TOM1L2: variants seen among roughly 807,000 people sequenced by gnomAD.
The protein encoded by TOM1L2 is TOM1-like protein 2.
TOM1L2 carries 31 observed loss-of-function variants against 67.9 expected under a neutral mutation model. The observed-to-expected ratio is 0.46, with a 90% CI of 0.34 to 0.62. The LOEUF is 0.62. Ranked by LOEUF, TOM1L2 falls within the 20% of genes least tolerant of loss-of-function variation. The probability of loss-of-function intolerance (pLI) is 0.01; values close to 1 mark genes in which losing one functional copy is unlikely to be tolerated. For missense variants in TOM1L2, 606 were observed against 663.5 expected (o/e 0.91, Z 0.95); for synonymous variants, 256 against 254.0 (o/e 1.01, Z -0.07).
chr17:17,848,718 G>T, intron 14 of TOM1L2, 105 bp downstream of exon 14: 1 of 1,297,160 alleles, frequency 7.7e-7, no homozygotes, highest in Non-Finnish European at 1.1e-6. Flanking sequence ...CCTGGCACCA[G>T]TAGGTGCTCT....
intron 3 of TOM1L2, among the ~76,000 whole-genome samples, 182 bp from the exon 4 acceptor site, chr17:17,893,992 G>C (rs1368645889): frequency 6.6e-6 from 1 of 152,164 alleles, no homozygotes; most frequent in Admixed American, 6.6e-5. Flanking sequence ...ATTCTCCAGG[G>C]ATGACAGCAG....
In TOM1L2 at chr17:17,869,436, A is replaced by G; in HGVS notation, c.815T>C (p.Ile272Thr). The G allele has an allele frequency of 1.2e-6, 2 of 1,613,102 alleles. No individual in the cohort carries two copies. Among genetic ancestry groups the G allele is most frequent in the Non-Finnish European group, 1.7e-6 (2 of 1,179,826 alleles). Residue 272 changes from isoleucine to threonine, a missense_variant, in exon 8 of 15, where the codon ATC becomes ACC. Physicochemically the swap from Ile to Thr is moderately conservative, Grantham distance 89. This residue lies in a region of TOM1L2 where 543 missense variants were observed against 554.0 expected (regional missense o/e 0.98). Transcript: ENST00000379504. ...GGACACGCGGGAGATGAGCTCCACG[A>G]TGCGCTGCTGCATGGCCCGACAGGT... is the stretch of plus-strand genomic sequence containing the variant. ...NRTCRAMQQR[I>T]VELISRVSNE...
At chr17:17,879,271 AAGTC>A (rs2037589646) in intron 7 of TOM1L2, among the ~76,000 whole-genome samples, 1 of 152,318 alleles carries the variant, frequency 6.6e-6, no homozygotes, top group East Asian at 1.9e-4. Flanking sequence ...ACCTACAAAA[AAGTC>A]AGAAAGAAAA....
chr17:17,946,043 T>G (rs941911698), intron 1 of TOM1L2, among the ~76,000 whole-genome samples: 3 of 151,854 alleles, frequency 2.0e-5, no homozygotes, highest in African/African-American at 7.3e-5. Flanking sequence ...TGGCTAAATT[T>G]TTCATATTTT....
chr17:17,847,623 C>A lies in TOM1L2; in HGVS notation c.*12G>T. On this transcript the variant is annotated 3_prime_UTR_variant, in exon 15 of 15. Coordinates refer to ENST00000379504, the MANE Select transcript of TOM1L2 (RefSeq NM_001082968.2). Reference sequence around the variant, plus strand: ...GGGACCCGCCATCTGGGGAGGCAAACCACAGAGCTGCTCACAGGGCGAAGA... The same window carrying A: ...GGGACCCGCCATCTGGGGAGGCAAAACACAGAGCTGCTCACAGGGCGAAGA... 1 of 1,598,504 alleles carries A rather than the reference C, an allele frequency of 6.3e-7. No individual in the cohort carries two copies. Among genetic ancestry groups the A allele is most frequent in the Non-Finnish European group, 8.5e-7 (1 of 1,171,994 alleles).
intron 12 of TOM1L2, chr17:17,857,801 G>T (rs1305053249): frequency 6.5e-7 from 1 of 1,535,642 alleles, no homozygotes; most frequent in Admixed American, 2.0e-5. Context: ...CTGTCTATGG[G>T]CTCCAGGTCA....
At position 17,882,810 on chromosome 17, in the gene TOM1L2, C is replaced by A; in HGVS notation, c.555G>T (p.Gln185His). 6.2e-7 allele frequency: 1 copy of A among 1,614,228 alleles called. No homozygotes were observed. The highest frequency in any genetic ancestry group is 8.5e-7 in the Non-Finnish European group (1 of 1,180,032). ...AGGAATAGGAACCAGCACTTGTCCT[C>A]TGCTGTGATTGGGACCTGGGCATGG... ...AATMPRSQSQ[Q>H]RTSAGSYSSP... The change falls in exon 6 of 15, where the codon CAG becomes CAT. Residue 185 changes from glutamine to histidine, a missense_variant. Physicochemically the swap from Gln to His is conservative, Grantham distance 24. Coordinates refer to ENST00000379504, the MANE Select transcript of TOM1L2 (RefSeq NM_001082968.2).
At chr17:17,947,014 C>A (rs561415674) in intron 1 of TOM1L2, among the ~76,000 whole-genome samples, 2 of 152,158 alleles carry the variant, frequency 1.3e-5, no homozygotes, top group Admixed American at 6.5e-5. Context: ...CGTACGCCAC[C>A]GTGCCAGCCT....
At chr17:17,920,335 A>ATTTTT (rs771122365) in intron 1 of TOM1L2, among the ~76,000 whole-genome samples, 49 of 93,180 alleles carry the variant, frequency 5.3e-4, no homozygotes, top group South Asian at 1.3e-3. Flanking sequence ...AATGTTCAAT[A>ATTTTT]TTTTTTTTTT....
chr17:17,938,691 T>C (rs2040604418), intron 1 of TOM1L2, among the ~76,000 whole-genome samples: 1 of 151,970 alleles, frequency 6.6e-6, no homozygotes, highest in South Asian at 2.1e-4. Context: ...ACCTAACCTT[T>C]ACTGACTTAT....
rs959244551 is a variant in TOM1L2 at position 17,845,810 on chromosome 17, G to A, written c.*1825C>T. 3.3e-5 allele frequency: 5 copies of A among 152,468 alleles called. No individual in the cohort carries two copies. Among genetic ancestry groups the A allele is most frequent in the Non-Finnish European group, 7.3e-5 (5 of 68,218 alleles). The allele number at this position is 152,468 out of a possible 1,614,324, so 9.4% of individuals were successfully genotyped here. A position where few individuals can be genotyped will look rare whatever the true frequency, so the allele number is the denominator to read the frequency against. ...GTCTTTGAGAAACATTGAGGAGGCA[G>A]GGGCTCATCAAGCATCAGGGAGCAG... On this transcript the variant is annotated 3_prime_UTR_variant, in exon 15 of 15. Coordinates refer to ENST00000379504, the MANE Select transcript of TOM1L2 (RefSeq NM_001082968.2).
At chr17:17,889,103 T>C (rs546472285) in intron 4 of TOM1L2, among the ~76,000 whole-genome samples, 1 of 152,282 alleles carries the variant, frequency 6.6e-6, no homozygotes, top group Non-Finnish European at 1.5e-5. Flanking sequence ...GACTGAGCCC[T>C]CGCACATGTT....
intron 10 of TOM1L2, 100 bp from the exon 11 acceptor site, chr17:17,862,948 G>GT: frequency 4.0e-5 from 13 of 321,844 alleles, no homozygotes; most frequent in South Asian, 5.2e-5. Context: ...GTGGGTTTAG[G>GT]TTCCATGGGG....
intron 1 of TOM1L2, among the ~76,000 whole-genome samples, chr17:17,951,572 AT>A (rs1239287910): frequency 6.6e-6 from 1 of 152,222 alleles, no homozygotes; most frequent in Non-Finnish European, 1.5e-5. Flanking sequence ...TAAAAACCAT[AT>A]GAAAATTAAC....
chr17:17,865,896 C>T (rs1448861758), intron 10 of TOM1L2, among the ~76,000 whole-genome samples: 1 of 151,332 alleles, frequency 6.6e-6, no homozygotes, highest in East Asian at 2.0e-4. Flanking sequence ...AGGTGCCCAC[C>T]ATGCGCAGCT....
intron 8 of TOM1L2, among the ~76,000 whole-genome samples, chr17:17,867,455 G>C (rs1001778188): frequency 6.6e-6 from 1 of 152,134 alleles, no homozygotes; most frequent in Non-Finnish European, 1.5e-5. Flanking sequence ...GCCAGTCATC[G>C]AAGGACTGCT....
Position 17,847,415 on chromosome 17 carries a change from GGA to G in TOM1L2, c.*218_*219del, listed in dbSNP as rs751272575. On this transcript the variant is annotated 3_prime_UTR_variant, in exon 15 of 15. Coordinates refer to ENST00000379504, the MANE Select transcript of TOM1L2 (RefSeq NM_001082968.2). ...GGGCAGAGGGGCCCATGGTGGGAGG[GGA>G]GAGAGTCTCTGGCTGCAGTTGTCCC... The G allele has an allele frequency of 4.1e-5, 25 of 608,960 alleles. No individual in the cohort carries two copies. The highest frequency in any genetic ancestry group is 2.4e-4 in the African/African-American group (13 of 53,628). 37.7% of individuals were successfully genotyped at this position (608,960 alleles called of 1,614,324 possible). A position where few individuals can be genotyped will look rare whatever the true frequency, so the allele number is the denominator to read the frequency against.
chr17:17,932,438 TA>T (rs1466927647), intron 1 of TOM1L2, among the ~76,000 whole-genome samples: 2 of 152,176 alleles, frequency 1.3e-5, no homozygotes, highest in African/African-American at 2.4e-5. Flanking sequence ...CCCTCTTTTT[TA>T]ACAAACATGC....
At position 17,847,770 on chromosome 17, in the gene TOM1L2, G is replaced by C; in HGVS notation, c.1389C>G (p.Phe463Leu). The change falls in exon 15 of 15, where the codon TTC (phenylalanine) becomes TTG (leucine). Residue 463 changes from phenylalanine to leucine, a missense_variant. Around this residue, in one of 2 missense-constraint regions of TOM1L2, gnomAD observed 543 missense variants for 554.0 expected, o/e 0.98. Transcript: ENST00000379504. ...CAGCAGCTTTGGCTCTTTCTTCAAG[G>C]AATTTATCAAACTCTGCAATACAAA... ...EGVTSEEFDK[F>L]LEERAKAAEM... The C allele has an allele frequency of 1.9e-6, 3 of 1,614,020 alleles. No homozygotes were observed. Among genetic ancestry groups the C allele is most frequent in the Non-Finnish European group, 2.5e-6 (3 of 1,179,994 alleles).
Sources: allele counts gnomAD v4.1 joint callset (sites outside exome capture counted in the v4.1 genomes callset), GRCh38; gene constraint gnomAD v4.1.1; regional missense constraint gnomAD v4.1.1; transcripts MANE v1.5; gene names NCBI Gene and HGNC (gene_info 2026-07-23, HGNC 2026-07-21).